Variants in SLC16A12 observed in about 807,000 individuals in gnomAD.
The protein encoded by SLC16A12 is solute carrier family 16 member 12.
Under a neutral mutation model 42.4 loss-of-function variants are expected in SLC16A12, and 17 were observed. The ratio of observed to expected loss-of-function variants is 0.40; its 90% confidence interval spans 0.27 to 0.60. The LOEUF is 0.60. Among genes scored for constraint, SLC16A12 ranks in the 20% least tolerant of loss-of-function variants. The pLI is 0.42. For synonymous variants in SLC16A12, 224 were observed against 229.4 expected, an observed-to-expected ratio of 0.98 and a Z score of 0.21; for missense variants, 544 against 623.0, an observed-to-expected ratio of 0.87 and a Z score of 1.35.
At chr10:89,497,004 A>G (rs1339183620) in intron 2 of SLC16A12, among the ~76,000 whole-genome samples, 2 of 152,348 alleles carry the variant, frequency 1.3e-5, no homozygotes, top group South Asian at 4.1e-4. Context: ...CTCATTTTTA[A>G]TCAGAGAAAT....
At position 89,464,824 on chromosome 10, in the gene SLC16A12, G is replaced by T. The variant is rs564948820; in HGVS notation, c.-46-2200C>A. Reference sequence around the variant, plus strand: ...ATTCCCACATACATCACTTAGGTTTGCCCCTTTTGAAGCCTCAGGTCTTCA... The same window carrying T: ...ATTCCCACATACATCACTTAGGTTTTCCCCTTTTGAAGCCTCAGGTCTTCA... On this transcript the variant is annotated intron_variant, in intron 2 of 7. Transcript: ENST00000371790. Among the ~76,000 whole-genome samples, 6 of 152,244 alleles carry T rather than the reference G, an allele frequency of 3.9e-5. No individual in the cohort carries two copies. In the South Asian group the frequency reaches 1.2e-3, roughly 32 times the overall value.
At chr10:89,452,875 GC>G (rs1842117672) in intron 3 of SLC16A12, among the ~76,000 whole-genome samples, 1 of 152,200 alleles carries the variant, frequency 6.6e-6, no homozygotes, top group African/African-American at 2.4e-5. Context: ...GGCGGTGGGT[GC>G]CCCCTCTACG....
chr10:89,555,998 T>C, intron 1 of SLC16A12: 1 of 151,804 alleles, frequency 6.6e-6, no homozygotes, highest in African/African-American at 2.4e-5. Context: ...TCTCAGGAGA[T>C]AAAACAGCCA....
intron 2 of SLC16A12, among the ~76,000 whole-genome samples, chr10:89,526,863 A>C (rs1843461627): frequency 6.7e-6 from 1 of 149,762 alleles, no homozygotes; most frequent in African/African-American, 2.5e-5. Flanking sequence ...AAATCCATTA[A>C]GAAATCAAGA....
chr10:89,530,707 C>G (rs776286268), intron 2 of SLC16A12, among the ~76,000 whole-genome samples: 1 of 152,140 alleles, frequency 6.6e-6, no homozygotes, highest in Non-Finnish European at 1.5e-5. Context: ...GTGTGAGCCA[C>G]GGCGCCCGGC....
intron 2 of SLC16A12, among the ~76,000 whole-genome samples, chr10:89,505,828 C>T (rs185745213): frequency 1.1e-4 from 16 of 152,330 alleles, no homozygotes; most frequent in African/African-American, 1.4e-4. Context: ...AACTAAGATC[C>T]ATTGGCTTGA....
intron 3 of SLC16A12, among the ~76,000 whole-genome samples, chr10:89,447,005 A>G (rs1367125493): frequency 6.6e-6 from 1 of 152,208 alleles, no homozygotes; most frequent in Non-Finnish European, 1.5e-5. Context: ...ATCAAAAGAG[A>G]CAAAGAAGGC....
chr10:89,542,306 C>CTTT (rs200847363), intron 2 of SLC16A12, among the ~76,000 whole-genome samples: 14 of 137,022 alleles, frequency 1.0e-4, no homozygotes, highest in Admixed American at 3.7e-4. Context: ...CTTTTTTTTT[C>CTTT]TTTTTTTTTT....
At position 89,432,162 on chromosome 10, in the gene SLC16A12, G is replaced by C. The variant is rs1841704168; in HGVS notation, c.*902C>G. The C allele has an allele frequency of 6.6e-6, 1 of 152,622 alleles. No homozygotes were observed. The highest frequency in any genetic ancestry group is 2.4e-5 in the African/African-American group (1 of 41,442). 9.5% of individuals were successfully genotyped at this position (152,622 alleles called of 1,614,324 possible). A position where few individuals can be genotyped will look rare whatever the true frequency, so the allele number is the denominator to read the frequency against. ...GAATGCGTCTGCAGTCTAAGTAAGA[G>C]CTTCTTCTCTGAAGGTAAAAGACGG... On this transcript the variant is annotated 3_prime_UTR_variant, in exon 8 of 8. Coordinates refer to ENST00000371790, the MANE Select transcript of SLC16A12 (RefSeq NM_213606.4).
upstream of SLC16A12, among the ~76,000 whole-genome samples, chr10:89,536,720 T>C (rs531421820): frequency 4.1e-4 from 63 of 152,272 alleles, no homozygotes; most frequent in Middle Eastern, 3.4e-3. Context: ...ACCTGGGTGC[T>C]TGTTAAAAAT....
intron 2 of SLC16A12, among the ~76,000 whole-genome samples, chr10:89,505,886 A>C (rs1354168605): frequency 6.6e-6 from 1 of 152,154 alleles, no homozygotes; most frequent in Non-Finnish European, 1.5e-5. Flanking sequence ...GGGATGCTGG[A>C]GCTTGGCAGA....
At chr10:89,510,521 C>T (rs1589717016) in intron 2 of SLC16A12, among the ~76,000 whole-genome samples, 1 of 152,166 alleles carries the variant, frequency 6.6e-6, no homozygotes, top group Admixed American at 6.5e-5. Context: ...GGAAAACTGG[C>T]TAGCCATATG....
chr10:89,506,623 C>A (rs1843065939), intron 2 of SLC16A12, among the ~76,000 whole-genome samples: 1 of 152,124 alleles, frequency 6.6e-6, no homozygotes, highest in Non-Finnish European at 1.5e-5. Flanking sequence ...GGGGAGAAAC[C>A]AGCGCAGAAA....
chr10:89,503,803 G>A (rs1184002220), intron 2 of SLC16A12, among the ~76,000 whole-genome samples: 1 of 152,160 alleles, frequency 6.6e-6, no homozygotes, highest in African/African-American at 2.4e-5. Flanking sequence ...GCCAGCTGGG[G>A]CCACAGCAAC....
At chr10:89,514,686 A>T (rs549431903) in intron 2 of SLC16A12, among the ~76,000 whole-genome samples, 69 of 152,306 alleles carry the variant, frequency 4.5e-4, no homozygotes, top group African/African-American at 1.7e-3. Context: ...ATACCATCAC[A>T]TTGGGGGTGA....
chr10:89,466,145 A>G (rs1842393537), intron 2 of SLC16A12, among the ~76,000 whole-genome samples: 1 of 152,234 alleles, frequency 6.6e-6, no homozygotes, highest in Non-Finnish European at 1.5e-5. Context: ...AAATGGAGGT[A>G]ATAATTTTAC....
At chr10:89,524,345 C>T (rs1216768346) in intron 2 of SLC16A12, among the ~76,000 whole-genome samples, 2 of 152,122 alleles carry the variant, frequency 1.3e-5, no homozygotes, top group African/African-American at 2.4e-5. Flanking sequence ...CTTGGTGGTG[C>T]GATGTACCAG....
intron 7 of SLC16A12, among the ~76,000 whole-genome samples, chr10:89,434,824 G>A (rs1841752683): frequency 1.3e-5 from 2 of 152,164 alleles, no homozygotes; most frequent in Non-Finnish European, 2.9e-5. Context: ...TCACAACAAA[G>A]CTGGTTGAAA....
At chr10:89,511,262 T>C (rs907051746) in intron 2 of SLC16A12, among the ~76,000 whole-genome samples, 1 of 152,202 alleles carries the variant, frequency 6.6e-6, no homozygotes, top group African/African-American at 2.4e-5. Flanking sequence ...ATCATTCTAC[T>C]GTAAAGGCAC....
Sources: gnomAD v4.1 joint callset for allele counts (sites outside exome capture counted in the v4.1 genomes callset) on GRCh38, gnomAD v4.1.1 for gene constraint, MANE v1.5 for transcripts, NCBI Gene and HGNC (gene_info 2026-07-23, HGNC 2026-07-21) for gene names.